Variants in RTEL1 observed in about 807,000 individuals in gnomAD.
RTEL1 encodes regulator of telomere length.
RTEL1 carries 86 observed loss-of-function variants against 162.2 expected under a neutral mutation model. The ratio of observed to expected loss-of-function variants is 0.53; its 90% confidence interval spans 0.45 to 0.63. The LOEUF is 0.63. RTEL1 is among the 30% of genes least tolerant of loss of function. The pLI is 0.00. For synonymous variants in RTEL1, 958 were observed against 717.9 expected, an observed-to-expected ratio of 1.33 and a Z score of -5.35; for missense variants, 1,941 against 1,750.2, an observed-to-expected ratio of 1.11 and a Z score of -1.95.
chr20:63,688,269 C>G, intron 19 of RTEL1, 32 bp from the exon 20 acceptor site: 7 of 1,610,118 alleles, frequency 4.3e-6, no homozygotes, highest in Non-Finnish European at 5.9e-6. Flanking sequence ...GACATCCTGC[C>G]CCTGCCTTGA....
At chr20:63,662,392 C>T (rs2090037712) in intron 4 of RTEL1, 154 bp from the exon 5 acceptor site, 5 of 1,497,158 alleles carry the variant, frequency 3.3e-6, no homozygotes, top group Non-Finnish European at 4.5e-6. Context: ...CGCTCGTCTT[C>T]TAGCTCCCTC....
rs564398525 is a variant in RTEL1, at chr20:63,694,889, T to C, written c.3258T>C (p.Tyr1086=). 1 of 1,612,598 alleles carries C rather than the reference T, an allele frequency of 6.2e-7. No homozygotes were observed. Among genetic ancestry groups the C allele is most frequent in the South Asian group, 1.1e-5 (1 of 91,084 alleles). Residue 1086 remains tyrosine (Y), a synonymous_variant, in exon 32 of 35, where the codon TAT becomes TAC. Transcript: ENST00000360203. The stretch of plus-strand genomic sequence containing the variant: ...AACTCTTGGCAGCGCTGACAGCCTA[T>C]AAGCAAGACGACGACCTCGACAAGG... The part of the protein sequence containing the change: ...CSQLLAALTA[Y]KQDDDLDKVL...
rs757075776 is a variant in RTEL1 at position 63,689,093 on chromosome 20, G to A, written c.1839G>A (p.Gly613=). The change falls in exon 22 of 35, where the codon GGG becomes GGA. Residue 613 remains glycine, a synonymous_variant. Coordinates refer to ENST00000360203, the MANE Select transcript of RTEL1 (RefSeq NM_001283009.2). ...SAYYARVAAP[G]STGATFLAVC... is the part of the protein sequence containing the mutation. ...ACTATGCAAGGGTTGCCGCCCCTGG[G>A]TCCACCGGCGCCACCTTCCTGGCGG... 3 of 1,610,548 alleles carry A rather than the reference G, an allele frequency of 1.9e-6. No homozygotes were observed. Among genetic ancestry groups the A allele is most frequent in the Non-Finnish European group, 2.5e-6 (3 of 1,179,894 alleles).
rs757032797 is a variant in RTEL1, at chr20:63,690,254, G to A, written c.2266-40G>A. 6 of 1,604,176 alleles carry A rather than the reference G, an allele frequency of 3.7e-6. No individual in the cohort carries two copies. In the South Asian group the frequency reaches 5.5e-5, roughly 15 times the overall value. Reference sequence around the variant, plus strand: ...AGGGGATGAGGGTGTTGTCCCCAGAGGAGCCAGAAATGGGTCCACCCACCC... The same window carrying A: ...AGGGGATGAGGGTGTTGTCCCCAGAAGAGCCAGAAATGGGTCCACCCACCC... On this transcript the variant is annotated intron_variant, in intron 25 of 34. Transcript: ENST00000360203.
chr20:63,671,911 T>C (rs1375263508), intron 8 of RTEL1, among the ~76,000 whole-genome samples: 1 of 151,854 alleles, frequency 6.6e-6, no homozygotes, highest in Non-Finnish European at 1.5e-5. Context: ...TGAGATGAAG[T>C]CTCACTCTGT....
Position 63,689,821 on chromosome 20 carries a change from C to T in RTEL1, c.2097C>T (p.Ile699=). 6.2e-7 allele frequency: 1 copy of T among 1,611,826 alleles called. No individual in the cohort carries two copies. The highest frequency in any genetic ancestry group is 8.5e-7 in the Non-Finnish European group (1 of 1,179,752). The change falls in exon 24 of 35, where the codon ATC becomes ATT. Residue 699 remains isoleucine (I), a synonymous_variant. Coordinates refer to ENST00000360203, the MANE Select transcript of RTEL1 (RefSeq NM_001283009.2). ...RAVNQAIGRV[I]RHRQDYGAVF... is the part of the protein sequence containing the mutation. ...TGAACCAGGCCATCGGGCGAGTGAT[C>T]CGGCACCGCCAGGACTACGGAGCTG...
intron 28 of RTEL1, 181 bp downstream of exon 28, chr20:63,692,018 G>A: frequency 1.8e-6 from 1 of 564,478 alleles, no homozygotes; most frequent in Non-Finnish European, 3.2e-6. Flanking sequence ...CTTCTGCAGG[G>A]GGCTCATGAG....
intron 7 of RTEL1, among the ~76,000 whole-genome samples, chr20:63,666,997 G>A (rs933810486): frequency 8.6e-5 from 13 of 151,940 alleles, no homozygotes; most frequent in Admixed American, 5.2e-4. Context: ...CCGCCACCAC[G>A]TCTGGCTAAT....
chr20:63,681,691 C>G, intron 14 of RTEL1: 1 of 985,344 alleles, frequency 1.0e-6, no homozygotes, highest in Non-Finnish European at 1.2e-6. Context: ...GGGGCGAGAC[C>G]TGGGCAGGGA....
At chr20:63,692,187 G>A (rs970366472) in intron 28 of RTEL1, 17 of 242,336 alleles carry the variant, frequency 7.0e-5, no homozygotes, top group South Asian at 1.1e-4. Context: ...AGTTATAGCC[G>A]GAGCCAGGAA....
In RTEL1 at chr20:63,691,762, G is replaced by C. The variant is rs770173823; in HGVS notation, c.2577G>C (p.Leu859=). ...CTCAGGCCCACAGCTGCTCCACCCT[G>C]TCCCTCCTGTCTGAGAAGAGGCCGG... is the stretch of plus-strand genomic sequence containing the variant. The part of the protein sequence containing the change: ...GEEQAHSCST[L]SLLSEKRPAE... The change falls in exon 28 of 35, where the codon CTG becomes CTC. Residue 859 remains leucine, a synonymous_variant. Transcript: ENST00000360203. 2 of 1,612,504 alleles carry C rather than the reference G, an allele frequency of 1.2e-6. No individual in the cohort carries two copies. Among genetic ancestry groups the C allele is most frequent in the Non-Finnish European group, 1.7e-6 (2 of 1,179,820 alleles).
intron 14 of RTEL1, among the ~76,000 whole-genome samples, chr20:63,683,158 G>T (rs936025037): frequency 6.6e-6 from 1 of 152,164 alleles, no homozygotes; most frequent in African/African-American, 2.4e-5. Context: ...TAGAGATGAG[G>T]TCTTGCCATG....
chr20:63,685,987 A>T, intron 16 of RTEL1, 115 bp downstream of exon 16: 2 of 940,998 alleles, frequency 2.1e-6, no homozygotes, highest in Non-Finnish European at 3.3e-6. Flanking sequence ...GGGCCTGGCC[A>T]CCTTCTCCAT....
intron 4 of RTEL1, chr20:63,662,259 G>A (rs1232790206): frequency 4.1e-5 from 26 of 636,104 alleles, no homozygotes; most frequent in Non-Finnish European, 3.1e-5. Flanking sequence ...ACATGAAGTA[G>A]GAGGAGGCCC....
chr20:63,679,749 C>T (rs2090443724), intron 12 of RTEL1, 100 bp from the exon 13 acceptor site: 8 of 862,630 alleles, frequency 9.3e-6, no homozygotes, highest in South Asian at 4.1e-5. Flanking sequence ...TGACCAGTGT[C>T]GTCCCCCCTC....
intron 22 of RTEL1, 45 bp from the exon 23 acceptor site, chr20:63,689,457 G>A: frequency 6.7e-7 from 1 of 1,482,734 alleles, no homozygotes; most frequent in Non-Finnish European, 9.0e-7. Flanking sequence ...GCACCAGGGA[G>A]AGGAGCCCCC....
intron 7 of RTEL1, among the ~76,000 whole-genome samples, chr20:63,666,863 G>T (rs6011007): frequency 0.075 from 9,828 of 130,420 alleles, 398 homozygotes; most frequent in Non-Finnish European, 0.087. Flanking sequence ...TTTTTGAGAC[G>T]GAGTCTCGCT....
chr20:63,692,609 C>CA, intron 28 of RTEL1, 196 bp from the exon 29 acceptor site: 2 of 606,830 alleles, frequency 3.3e-6, no homozygotes, highest in Admixed American at 2.8e-5. Context: ...TGTGTGACCT[C>CA]AGACGGGCCC....
chr20:63,695,739 C>T lies in RTEL1; in HGVS notation c.3823-39C>T, dbSNP rs774818538. 6.3e-6 allele frequency: 10 copies of T among 1,594,512 alleles called. 1 individual carries two copies. Among genetic ancestry groups the T allele is most frequent in the Middle Eastern group, 3.3e-4 (2 of 6,036 alleles). ...GGGCAGGCCCTTGTCCTGGTGGCAA[C>T]GCCTGGCAGACGTGTGCAGTGGGCC... On this transcript the variant is annotated intron_variant, in intron 34 of 34. Transcript: ENST00000360203.
Sources: allele counts gnomAD v4.1 joint callset (sites outside exome capture counted in the v4.1 genomes callset), GRCh38; gene constraint gnomAD v4.1.1; transcripts MANE v1.5; gene names NCBI Gene and HGNC (gene_info 2026-07-23, HGNC 2026-07-21).